SEPTIN9: variants seen among roughly 807,000 people sequenced by gnomAD.
SEPTIN9 encodes the protein septin-9.
A neutral mutation model predicts 56.6 loss-of-function variants in SEPTIN9; 13 were observed. The observed-to-expected ratio is 0.23, with a 90% CI of 0.15 to 0.37. The LOEUF (loss-of-function observed/expected upper bound fraction) is 0.37, where lower values mean the gene tolerates loss of function less well. Ranked by LOEUF, SEPTIN9 falls within the 10% of genes least tolerant of loss-of-function variation. The pLI is 1.00. For missense variants in SEPTIN9, 650 were observed against 823.1 expected (o/e 0.79, Z 2.57); for synonymous variants, 332 against 334.1 (o/e 0.99, Z 0.07).
chr17:77,457,638 G>A (rs949967593), intron 3 of SEPTIN9, among the ~76,000 whole-genome samples: 1 of 152,352 alleles, frequency 6.6e-6, no homozygotes, highest in East Asian at 1.9e-4. Context: ...CAGAACAGCC[G>A]ATAGTGGTGG....
chr17:77,373,706 C>A, intron 2 of SEPTIN9: 1 of 1,343,114 alleles, frequency 7.4e-7, no homozygotes, highest in Non-Finnish European at 9.6e-7. Context: ...GAGAGCGCCG[C>A]GCGCCCCCGG....
At position 77,456,419 on chromosome 17, in the gene SEPTIN9, G is replaced by GC. The variant is rs1423480969; in HGVS notation, c.722-25723dup. 6.6e-6 allele frequency: 1 copy of GC among 152,356 alleles called. No individual in the cohort carries two copies. Among genetic ancestry groups the GC allele is most frequent in the African/African-American group, 2.4e-5 (1 of 41,440 alleles). 9.4% of individuals were successfully genotyped at this position (152,356 alleles called of 1,614,324 possible). A position where few individuals can be genotyped will look rare whatever the true frequency, so the allele number is the denominator to read the frequency against. On this transcript the variant is annotated intron_variant, in intron 3 of 11. Coordinates refer to ENST00000427177, the MANE Select transcript of SEPTIN9 (RefSeq NM_001113491.2). This position sits in a 1 kb window ranked among gnomAD's most constrained non-coding sequence, Gnocchi z 6.0. ...GAGGAAGGTGCCGTGGCTAGGGCAGGCCACACGCTGTGCTAATGGATTGCT... is the reference window on the plus strand; with the variant it reads ...GAGGAAGGTGCCGTGGCTAGGGCAGGCCCACACGCTGTGCTAATGGATTGCT...
rs933819211 is a variant in SEPTIN9, at chr17:77,429,452, G to T, written c.721+26749G>T. ...TGGGGAGGGACTGAGGGCTGATTGT[G>T]TTGTGGGGATGTTGGCAGAGAATCA... On this transcript the variant is annotated intron_variant, in intron 3 of 11. Transcript: ENST00000427177. This position sits in a 1 kb window ranked among gnomAD's most constrained non-coding sequence, Gnocchi z 5.2. 2 of 378,256 alleles carry T rather than the reference G, an allele frequency of 5.3e-6. No homozygotes were observed. Among genetic ancestry groups the T allele is most frequent in the Non-Finnish European group, 1.1e-5 (2 of 180,994 alleles). 23.4% of individuals were successfully genotyped at this position (378,256 alleles called of 1,614,324 possible).
chr17:77,393,306 C>T (rs2035604024), intron 2 of SEPTIN9, among the ~76,000 whole-genome samples: 1 of 152,212 alleles, frequency 6.6e-6, no homozygotes, highest in South Asian at 2.1e-4. Flanking sequence ...GGTTTTTATA[C>T]TTCAGTTCTT....
At chr17:77,485,369 A>G (rs1171823755) in intron 4 of SEPTIN9, among the ~76,000 whole-genome samples, 1 of 148,532 alleles carries the variant, frequency 6.7e-6, no homozygotes, top group African/African-American at 2.5e-5. Context: ...GTGGGATGGT[A>G]GTGGTGATGT....
At chr17:77,283,160 CTT>C (rs33965677) in intron 1 of SEPTIN9, among the ~76,000 whole-genome samples, 7 of 132,342 alleles carry the variant, frequency 5.3e-5, no homozygotes, top group East Asian at 2.2e-4. Context: ...CACTGGGTTT[CTT>C]TTTTTTTTTT....
intron 3 of SEPTIN9, among the ~76,000 whole-genome samples, chr17:77,452,817 G>A (rs2038035959): frequency 2.0e-5 from 3 of 150,900 alleles, no homozygotes; most frequent in Admixed American, 6.6e-5. Context: ...CAACTCCCCC[G>A]GCAGCCCCAG....
chr17:77,387,201 C>T (rs2035366953), intron 2 of SEPTIN9, among the ~76,000 whole-genome samples: 1 of 152,224 alleles, frequency 6.6e-6, no homozygotes, highest in East Asian at 1.9e-4. Flanking sequence ...TCCTTTGGGG[C>T]CTCTGCGGGA....
intron 2 of SEPTIN9, among the ~76,000 whole-genome samples, chr17:77,335,725 C>T (rs1161997456): frequency 1.7e-4 from 3 of 17,382 alleles, no homozygotes; most frequent in Admixed American, 6.4e-4. Flanking sequence ...TACATGTAGG[C>T]CCTATGTTGA....
rs1378329300 is a variant in SEPTIN9, at chr17:77,450,139, G to T, written c.722-32005G>T. Among the ~76,000 whole-genome samples, 1 of 152,198 alleles carries T rather than the reference G, an allele frequency of 6.6e-6. No homozygotes were observed. Among genetic ancestry groups the T allele is most frequent in the Admixed American group, 6.5e-5 (1 of 15,282 alleles). Reference sequence around the variant, plus strand: ...AGGGTGGGGAGGGCCGTGGGACCAGGAGGCCTTAGGGGGAAAGTTGGCCAT... The same window carrying T: ...AGGGTGGGGAGGGCCGTGGGACCAGTAGGCCTTAGGGGGAAAGTTGGCCAT... On this transcript the variant is annotated intron_variant, in intron 3 of 11. Transcript: ENST00000427177. This position sits in a 1 kb window ranked among gnomAD's most constrained non-coding sequence, Gnocchi z 6.0.
In SEPTIN9 at chr17:77,434,955, C is replaced by T. The variant is rs368368639; in HGVS notation, c.721+32252C>T. Among the ~76,000 whole-genome samples the T allele has an allele frequency of 1.4e-3, 210 of 152,238 alleles. No individual in the cohort carries two copies. Among genetic ancestry groups the T allele is most frequent in the Non-Finnish European group, 2.4e-3 (166 of 67,994 alleles). ...CCTTCCTCTGCCGACATCAGGCTGC[C>T]GGTGCTGGACGGGGCCCTGGCAACC... On this transcript the variant is annotated intron_variant, in intron 3 of 11. Coordinates refer to ENST00000427177, the MANE Select transcript of SEPTIN9 (RefSeq NM_001113491.2). This position sits in a 1 kb window ranked among gnomAD's most constrained non-coding sequence, Gnocchi z 5.0.
At chr17:77,293,849 A>G (rs2031680219) in intron 1 of SEPTIN9, among the ~76,000 whole-genome samples, 1 of 152,140 alleles carries the variant, frequency 6.6e-6, no homozygotes, top group Admixed American at 6.5e-5. Flanking sequence ...CGTGCCTGTA[A>G]TCCCAGCACT....
At chr17:77,314,445 A>G (rs1416250725) in intron 2 of SEPTIN9, among the ~76,000 whole-genome samples, 4 of 149,698 alleles carry the variant, frequency 2.7e-5, no homozygotes, top group Non-Finnish European at 5.9e-5. Context: ...TGGCCTCCCA[A>G]AGTGTTGGAA....
intron 1 of SEPTIN9, among the ~76,000 whole-genome samples, chr17:77,290,258 T>TA (rs2031477070): frequency 7.0e-6 from 1 of 142,872 alleles, no homozygotes; most frequent in African/African-American, 2.8e-5. Context: ...TAAAATAAAT[T>TA]CTTTTTTTTT....
intron 3 of SEPTIN9, among the ~76,000 whole-genome samples, chr17:77,465,151 C>T (rs1474038765): frequency 2.0e-5 from 3 of 152,220 alleles, no homozygotes; most frequent in African/African-American, 7.2e-5. Context: ...GGCTCATCCA[C>T]ATTGTAGCAG....
chr17:77,348,545 C>G (rs969268021), intron 2 of SEPTIN9, among the ~76,000 whole-genome samples: 1 of 152,112 alleles, frequency 6.6e-6, no homozygotes, highest in Non-Finnish European at 1.5e-5. Context: ...GGCGATCCGC[C>G]CACCCTGGCC....
intron 2 of SEPTIN9, among the ~76,000 whole-genome samples, chr17:77,341,183 C>T (rs1430807365): frequency 6.6e-6 from 1 of 152,184 alleles, no homozygotes; most frequent in Non-Finnish European, 1.5e-5. Flanking sequence ...TTTTGCCTGT[C>T]TTGGCTTTCG....
chr17:77,329,331 C>T lies in SEPTIN9; in HGVS notation c.76+22134C>T, dbSNP rs530350110. Among the ~76,000 whole-genome samples, 198 of 152,294 alleles carry T rather than the reference C, an allele frequency of 1.3e-3. No individual in the cohort carries two copies. Among genetic ancestry groups the T allele is most frequent in the African/African-American group, 4.4e-3 (182 of 41,570 alleles). ...TGGATGGACCCACCTGCCTGGCTGC[C>T]CCCGTCAGCATCCAGCAGAGGCCAC... On this transcript the variant is annotated intron_variant, in intron 2 of 11. Transcript: ENST00000427177. The surrounding 1 kb of genome is among the most constrained non-coding windows in gnomAD (Gnocchi z 4.3).
Position 77,498,955 on chromosome 17 carries a change from A to G in SEPTIN9, c.*297A>G. 1.8e-6 allele frequency: 1 copy of G among 551,808 alleles called. No homozygotes were observed. Among genetic ancestry groups the G allele is most frequent in the Non-Finnish European group, 3.5e-6 (1 of 287,354 alleles). The allele number at this position is 551,808 out of a possible 1,614,324, so 34.2% of individuals were successfully genotyped here. On this transcript the variant is annotated 3_prime_UTR_variant, in exon 12 of 12. Coordinates refer to ENST00000427177, the MANE Select transcript of SEPTIN9 (RefSeq NM_001113491.2). ...GCCTGGCTCCCCGAGGGCTCAGAAG[A>G]GCAGCTTCGGTGTGCAGATCATCCG... is the stretch of plus-strand genomic sequence containing the variant.
Sources: allele counts gnomAD v4.1 joint callset (sites outside exome capture counted in the v4.1 genomes callset), GRCh38; gene constraint gnomAD v4.1.1; non-coding constraint Gnocchi (gnomAD v3.1); transcripts MANE v1.5; gene names NCBI Gene and HGNC (gene_info 2026-07-23, HGNC 2026-07-21).